The following SPAST variants were observed in gnomAD, a reference collection of about 807,000 sequenced individuals.
SPAST encodes spastic paraplegia 4 (autosomal dominant; spastin).
Under a neutral mutation model 76.6 loss-of-function variants are expected in SPAST, and 30 were observed. The ratio of observed to expected loss-of-function variants is 0.39; its 90% CI spans 0.29 to 0.53. The LOEUF (loss-of-function observed/expected upper bound fraction) is 0.53. Ranked by LOEUF, SPAST falls within the 20% of genes least tolerant of loss-of-function variation. The pLI is 0.68. For missense variants in SPAST, 717 were observed against 770.5 expected, an observed-to-expected ratio of 0.93 and a Z score of 0.82; for synonymous variants, 305 against 281.0, an observed-to-expected ratio of 1.09 and a Z score of -0.86.
At chr2:32,117,239 G>A (rs1001867195) in intron 7 of SPAST, among the ~76,000 whole-genome samples, 6 of 152,036 alleles carry the variant, frequency 3.9e-5, no homozygotes, top group African/African-American at 1.4e-4. Flanking sequence ...GCGACAGAGC[G>A]AGACTCCGTC....
chr2:32,135,937 G>GCC (rs1679521287), intron 9 of SPAST, among the ~76,000 whole-genome samples: 1 of 151,952 alleles, frequency 6.6e-6, no homozygotes, highest in Non-Finnish European at 1.5e-5. Flanking sequence ...AATTAGCCAG[G>GCC]CGTGGTGGTG....
At chr2:32,068,692 G>C (rs1009158468) in intron 1 of SPAST, among the ~76,000 whole-genome samples, 1 of 152,058 alleles carries the variant, frequency 6.6e-6, no homozygotes, top group African/African-American at 2.4e-5. Context: ...AATTAGTTCA[G>C]ACTGAAACGG....
intron 5 of SPAST, 104 bp downstream of exon 5, chr2:32,114,929 G>A: frequency 1.2e-6 from 1 of 809,132 alleles, no homozygotes; most frequent in Non-Finnish European, 2.0e-6. Context: ...TAATACTTTA[G>A]AGAATGGATA....
intron 1 of SPAST, among the ~76,000 whole-genome samples, chr2:32,083,770 ATATATATT>A (rs1558620270): frequency 1.3e-3 from 64 of 47,950 alleles, no homozygotes; most frequent in Non-Finnish European, 1.8e-3. Flanking sequence ...ATATATATAT[ATATATATT>A]TTTTTTTTTT....
intron 1 of SPAST, among the ~76,000 whole-genome samples, chr2:32,084,887 CAAAAAA>C (rs34046587): frequency 2.5e-5 from 2 of 81,570 alleles, no homozygotes; most frequent in Non-Finnish European, 4.6e-5. Context: ...GACTCCGTCT[CAAAAAA>C]AAAAAAAAAA....
intron 12 of SPAST, among the ~76,000 whole-genome samples, chr2:32,137,837 A>C (rs1679588750): frequency 6.6e-6 from 1 of 152,098 alleles, no homozygotes; most frequent in African/African-American, 2.4e-5. Context: ...AGTAGTCCGC[A>C]GTGTGTATTG....
intron 9 of SPAST, among the ~76,000 whole-genome samples, chr2:32,134,361 G>C (rs926460034): frequency 4.6e-5 from 7 of 152,038 alleles, no homozygotes; most frequent in Admixed American, 6.6e-5. Context: ...AATTAGCGGG[G>C]TGTGGTGGCA....
intron 3 of SPAST, among the ~76,000 whole-genome samples, chr2:32,094,633 T>G (rs1213017611): frequency 6.6e-6 from 1 of 152,194 alleles, no homozygotes. Context: ...CCATGAGGAC[T>G]TGAGCTTTTA....
chr2:32,093,644 A>T (rs1677809428), intron 3 of SPAST, among the ~76,000 whole-genome samples: 1 of 152,106 alleles, frequency 6.6e-6, no homozygotes, highest in Non-Finnish European at 1.5e-5. Context: ...TGGAATATAA[A>T]CTCTATGGAG....
chr2:32,110,339 C>G (rs1466218264), intron 4 of SPAST, among the ~76,000 whole-genome samples: 1 of 149,098 alleles, frequency 6.7e-6, no homozygotes, highest in Non-Finnish European at 1.5e-5. Context: ...AGGCTGTTCT[C>G]AAACTCCTGA....
At chr2:32,106,709 A>G (rs1341017568) in intron 4 of SPAST, among the ~76,000 whole-genome samples, 1 of 152,220 alleles carries the variant, frequency 6.6e-6, no homozygotes, top group Non-Finnish European at 1.5e-5. Context: ...TTGTGGCTTC[A>G]CATCTCCCCT....
chr2:32,072,168 G>A (rs1454578965), intron 1 of SPAST, among the ~76,000 whole-genome samples: 5 of 151,836 alleles, frequency 3.3e-5, no homozygotes, highest in Non-Finnish European at 5.9e-5. Flanking sequence ...TCAGCCTCCT[G>A]AGTAGCTGGG....
intron 3 of SPAST, among the ~76,000 whole-genome samples, chr2:32,096,886 A>G (rs2148716044): frequency 6.6e-6 from 1 of 152,172 alleles, no homozygotes; most frequent in South Asian, 2.1e-4. Flanking sequence ...AGCTCAAAAA[A>G]AAAAAAACCT....
chr2:32,070,074 T>A (rs1173883269), intron 1 of SPAST, among the ~76,000 whole-genome samples: 1 of 151,412 alleles, frequency 6.6e-6, no homozygotes, highest in Admixed American at 6.6e-5. Flanking sequence ...AAAAATTTTT[T>A]TTTTTTTTTG....
At chr2:32,142,030 G>T in intron 13 of SPAST, 84 bp downstream of exon 13, 1 of 1,044,262 alleles carries the variant, frequency 9.6e-7, no homozygotes, top group East Asian at 2.4e-5. Flanking sequence ...TCCAATCCAT[G>T]GTACAGCTAC....
chr2:32,094,279 C>G (rs777866837), intron 3 of SPAST, among the ~76,000 whole-genome samples: 1 of 151,992 alleles, frequency 6.6e-6, no homozygotes, highest in African/African-American at 2.4e-5. Flanking sequence ...AGTGCAATGG[C>G]GTGATCTCGG....
intron 7 of SPAST, among the ~76,000 whole-genome samples, chr2:32,119,963 A>T (rs1437553742): frequency 2.0e-5 from 3 of 149,488 alleles, no homozygotes; most frequent in Non-Finnish European, 4.4e-5. Context: ...GAAGAATGTG[A>T]TTGTTCTCCA....
chr2:32,148,754 T>C (rs1679977585), intron 16 of SPAST, among the ~76,000 whole-genome samples: 1 of 148,918 alleles, frequency 6.7e-6, no homozygotes, highest in Non-Finnish European at 1.5e-5. Flanking sequence ...GAGCTTGCAG[T>C]GAGCCGAGAT....
chr2:32,113,350 G>T (rs1011769100), intron 4 of SPAST, among the ~76,000 whole-genome samples: 4 of 151,746 alleles, frequency 2.6e-5, no homozygotes, highest in Non-Finnish European at 4.4e-5. Flanking sequence ...CTCCCAAAAT[G>T]CTGGGATTAC....
Sources: allele counts gnomAD v4.1 joint callset (sites outside exome capture counted in the v4.1 genomes callset), GRCh38; gene constraint gnomAD v4.1.1; transcripts MANE v1.5; gene names NCBI Gene and HGNC (gene_info 2026-07-23, HGNC 2026-07-21).